CSMD1: variants seen among roughly 807,000 people sequenced by gnomAD.
CSMD1 encodes the protein CUB and sushi domain-containing protein 1.
In CSMD1, 213 loss-of-function variants were observed where a neutral mutation model predicts 417.5. The ratio of observed to expected loss-of-function variants is 0.51; its 90% CI spans 0.46 to 0.57. The LOEUF is 0.57. CSMD1 is among the 20% of genes least tolerant of loss of function. The probability of loss-of-function intolerance (pLI) is 0.00; values close to 1 mark genes in which losing one functional copy is unlikely to be tolerated. For synonymous variants in CSMD1, 2,862 were observed against 1,736.8 expected, an observed-to-expected ratio of 1.65 and a Z score of -16.11; for missense variants, 6,923 against 4,529.7, an observed-to-expected ratio of 1.53 and a Z score of -15.17.
chr8:4,584,482 G>A (rs1355408537), intron 2 of CSMD1, among the ~76,000 whole-genome samples: 2 of 152,048 alleles, frequency 1.3e-5, no homozygotes, highest in Non-Finnish European at 1.5e-5. Context: ...AGAAACGGGT[G>A]TCAGGCTTTC....
intron 5 of CSMD1, among the ~76,000 whole-genome samples, chr8:3,977,662 C>A (rs1813541396): frequency 6.6e-6 from 1 of 152,196 alleles, no homozygotes; most frequent in Non-Finnish European, 1.5e-5. Context: ...CTTCTCCTTT[C>A]TGCTCATAAG....
chr8:3,903,325 C>A (rs1295987614), intron 5 of CSMD1, among the ~76,000 whole-genome samples: 5 of 23,312 alleles, frequency 2.1e-4, no homozygotes, highest in African/African-American at 1.8e-3. Context: ...TTAATCTGTC[C>A]AGCTAAAAAA....
chr8:3,284,485 A>G, intron 25 of CSMD1, 139 bp from the exon 26 acceptor site: 5 of 655,660 alleles, frequency 7.6e-6, no homozygotes, highest in Non-Finnish European at 1.1e-5. Flanking sequence ...CTGACAATGA[A>G]GGATGAGGAA....
intron 3 of CSMD1, among the ~76,000 whole-genome samples, chr8:4,034,351 T>G (rs965738301): frequency 1.3e-5 from 2 of 152,230 alleles, no homozygotes; most frequent in Non-Finnish European, 2.9e-5. Context: ...GTTCTAGTTT[T>G]TAAGAAGTAA....
At position 4,216,581 on chromosome 8, in the gene CSMD1, C is replaced by G. The variant is rs190409762; in HGVS notation, c.416-184482G>C. On this transcript the variant is annotated intron_variant, in intron 3 of 69. Coordinates refer to ENST00000635120, the MANE Select transcript of CSMD1 (RefSeq NM_033225.6). Reference sequence around the variant, plus strand: ...GAGTCTGCTGCCACTGCCAACGGAGCCCTCCAGATGGAAGGTGCTGAGGAC... The same window carrying G: ...GAGTCTGCTGCCACTGCCAACGGAGGCCTCCAGATGGAAGGTGCTGAGGAC... Among the ~76,000 whole-genome samples, 1,111 of 152,228 alleles carry G rather than the reference C, an allele frequency of 7.3e-3. 9 individuals carry two copies. Among genetic ancestry groups the G allele is most frequent in the Non-Finnish European group, 9.9e-3 (673 of 68,010 alleles).
intron 23 of CSMD1, among the ~76,000 whole-genome samples, chr8:3,319,170 A>G (rs62504769): frequency 0.083 from 12,650 of 152,276 alleles, 680 homozygotes; most frequent in Non-Finnish European, 0.12. Flanking sequence ...AAAATCTAGG[A>G]ATAAATGGTC....
At chr8:4,943,920 G>A (rs937176741) in intron 1 of CSMD1, among the ~76,000 whole-genome samples, 11 of 152,182 alleles carry the variant, frequency 7.2e-5, no homozygotes, top group African/African-American at 2.4e-4. Flanking sequence ...ATGGAGGGCC[G>A]AGCTGGATAT....
chr8:4,931,407 G>C (rs929896140), intron 1 of CSMD1, among the ~76,000 whole-genome samples: 1 of 152,062 alleles, frequency 6.6e-6, no homozygotes. Flanking sequence ...ACACTGACTC[G>C]GGTCTTTGCT....
intron 5 of CSMD1, among the ~76,000 whole-genome samples, chr8:3,783,016 T>A (rs1184520814): frequency 2.0e-5 from 3 of 152,168 alleles, no homozygotes; most frequent in African/African-American, 7.2e-5. Context: ...CTATAGCACA[T>A]CGCAAGCACG....
chr8:4,397,981 A>C lies in CSMD1; in HGVS notation c.415+21972T>G, dbSNP rs76328572. Among the ~76,000 whole-genome samples the C allele has an allele frequency of 8.9e-3, 1,357 of 152,296 alleles. 14 individuals carry two copies. The highest frequency in any genetic ancestry group is 0.031 in the African/African-American group (1,288 of 41,558). ...CATACACCTGCTACTGAAAAGACTT[A>C]GATGATTTTTAAATACCTTTGTCTA... On this transcript the variant is annotated intron_variant, in intron 3 of 69. Transcript: ENST00000635120.
chr8:4,079,583 A>T (rs1003903239), intron 3 of CSMD1, among the ~76,000 whole-genome samples: 5 of 152,218 alleles, frequency 3.3e-5, no homozygotes, highest in Admixed American at 3.3e-4. Context: ...AAGTAAAAAC[A>T]CTTTATTAGG....
chr8:3,739,451 C>A (rs1277552760), intron 6 of CSMD1, among the ~76,000 whole-genome samples: 1 of 152,058 alleles, frequency 6.6e-6, no homozygotes, highest in Non-Finnish European at 1.5e-5. Context: ...AGTGATGCAC[C>A]CGTTAATTAC....
intron 2 of CSMD1, among the ~76,000 whole-genome samples, chr8:4,558,849 C>A (rs2130601346): frequency 6.6e-6 from 1 of 152,260 alleles, no homozygotes; most frequent in East Asian, 1.9e-4. Context: ...GACTGGGCAA[C>A]AAAGTGAGAC....
rs560315571 is a variant in CSMD1, at chr8:3,037,130, C to T, written c.7661-7617G>A. On this transcript the variant is annotated intron_variant, in intron 50 of 69. Transcript: ENST00000635120. ...TAGAATAATGGCCTCCAGCTCCATC[C>T]AAGTCCCTGCACAAGACATTATTTC... is the stretch of plus-strand genomic sequence containing the variant. Among the ~76,000 whole-genome samples, 3 of 152,292 alleles carry T rather than the reference C, an allele frequency of 2.0e-5. No individual in the cohort carries two copies. The South Asian group carries it at 6.2e-4, about 32-fold the overall frequency.
chr8:3,724,207 T>TTA lies in CSMD1; in HGVS notation c.932-15717_932-15716insTA, dbSNP rs141364436. The stretch of plus-strand genomic sequence containing the variant: ...ACCTCTTTTACTACTTTTTTTTTTT[T>TTA]ATTATTATACTTTAAGTTTTAGGGT... On this transcript the variant is annotated intron_variant, in intron 6 of 69. Transcript: ENST00000635120. 2.4e-4 allele frequency among the ~76,000 whole-genome samples: 36 copies of TTA among 149,278 alleles called. 1 individual carries two copies. Among genetic ancestry groups the TTA allele is most frequent in the African/African-American group, 7.6e-4 (31 of 40,542 alleles).
chr8:4,120,596 C>G (rs945589385), intron 3 of CSMD1, among the ~76,000 whole-genome samples: 3 of 152,196 alleles, frequency 2.0e-5, no homozygotes, highest in Non-Finnish European at 1.5e-5. Flanking sequence ...TGGCCTCACA[C>G]TTTTGGGTGC....
At chr8:4,246,366 G>C (rs955682915) in intron 3 of CSMD1, among the ~76,000 whole-genome samples, 2 of 152,156 alleles carry the variant, frequency 1.3e-5, no homozygotes, top group African/African-American at 4.8e-5. Flanking sequence ...CCTTAGAAGA[G>C]TAGTTCTTGA....
chr8:3,252,756 T>A (rs1800366571), intron 26 of CSMD1, among the ~76,000 whole-genome samples: 1 of 152,242 alleles, frequency 6.6e-6, no homozygotes, highest in Non-Finnish European at 1.5e-5. Context: ...TATTCGTCTC[T>A]TCAGAGATTC....
At chr8:4,666,467 G>T (rs1374507684) in intron 1 of CSMD1, among the ~76,000 whole-genome samples, 1 of 152,108 alleles carries the variant, frequency 6.6e-6, no homozygotes, top group Admixed American at 6.5e-5. Flanking sequence ...GCCTCTAGAA[G>T]CTGTGAGAGG....
Sources: gnomAD v4.1 joint callset for allele counts (sites outside exome capture counted in the v4.1 genomes callset) on GRCh38, gnomAD v4.1.1 for gene constraint, MANE v1.5 for transcripts, NCBI Gene and HGNC (gene_info 2026-07-23, HGNC 2026-07-21) for gene names.